The following ATP1B3 variants were observed in gnomAD, a reference collection of about 807,000 sequenced individuals.
The protein encoded by ATP1B3 is sodium/potassium-transporting ATPase subunit beta-3.
ATP1B3 carries 10 observed loss-of-function variants against 30.2 expected under a neutral mutation model. The observed-to-expected ratio is 0.33, with a 90% CI of 0.20 to 0.56. The LOEUF is 0.56. Among genes scored for constraint, ATP1B3 ranks in the 20% least tolerant of loss-of-function variants. ATP1B3 has a pLI of 0.90. For synonymous variants in ATP1B3, 113 were observed against 117.0 expected (o/e 0.97, Z 0.22); for missense variants, 238 against 336.7 (o/e 0.71, Z 2.29).
intron 1 of ATP1B3, among the ~76,000 whole-genome samples, chr3:141,887,267 G>A (rs965600144): frequency 6.6e-6 from 1 of 152,202 alleles, no homozygotes; most frequent in African/African-American, 2.4e-5. Flanking sequence ...AGAAGTTAGA[G>A]TTGGTGAGTG....
At chr3:141,894,442 G>A (rs565342795) in intron 1 of ATP1B3, among the ~76,000 whole-genome samples, 1 of 152,132 alleles carries the variant, frequency 6.6e-6, no homozygotes, top group South Asian at 2.1e-4. Context: ...GCAGGTGTGA[G>A]CCTTCATACC....
rs748154337 is a variant in ATP1B3 at position 141,915,877 on chromosome 3, A to G, written c.532-93A>G. ...TGTATACAGACTTGGTGTTAATCTC[A>G]AAGTCTTCACCCCTTGTTCCCAGCA... On this transcript the variant is annotated intron_variant, in intron 4 of 6. Transcript: ENST00000286371. 98 of 908,314 alleles carry G rather than the reference A, an allele frequency of 1.1e-4. 1 individual carries two copies. The South Asian group carries it at 1.1e-3, about 10-fold the overall frequency. 56.3% of individuals were successfully genotyped at this position (908,314 alleles called of 1,614,324 possible). A position where few individuals can be genotyped will look rare whatever the true frequency, so the allele number is the denominator to read the frequency against.
intron 1 of ATP1B3, among the ~76,000 whole-genome samples, chr3:141,895,131 G>A (rs1178953684): frequency 6.6e-6 from 1 of 150,940 alleles, no homozygotes; most frequent in East Asian, 1.9e-4. Flanking sequence ...TTGGGGGGAG[G>A]GTCTCATAGG....
chr3:141,879,080 G>C (rs1405038236), intron 1 of ATP1B3, among the ~76,000 whole-genome samples: 1 of 152,158 alleles, frequency 6.6e-6, no homozygotes, highest in African/African-American at 2.4e-5. Context: ...GTATGGGCTT[G>C]CTGCCAGATG....
rs1368831451 is a variant in ATP1B3 at position 141,913,796 on chromosome 3, A to G, written c.491A>G (p.Tyr164Cys). The part of the protein sequence containing the change: ...CSGMNDPDFG[Y>C]SQGNPCILVK... ...GGTATGAATGATCCTGATTTTGGCT[A>G]TTCTCAAGGAAACCCTTGTATTCTT... Residue 164 changes from tyrosine to cysteine, a missense_variant, in exon 4 of 7, where the codon TAT (tyrosine) becomes TGT (cysteine). Transcript: ENST00000286371. 3 of 1,613,914 alleles carry G rather than the reference A, an allele frequency of 1.9e-6. No individual in the cohort carries two copies. Among genetic ancestry groups the G allele is most frequent in the Admixed American group, 1.7e-5 (1 of 59,988 alleles).
At chr3:141,896,335 A>G (rs1408240653) in intron 1 of ATP1B3, among the ~76,000 whole-genome samples, 1 of 152,026 alleles carries the variant, frequency 6.6e-6, no homozygotes, top group Non-Finnish European at 1.5e-5. Context: ...AATTTTCTTA[A>G]GAAGACCCCC....
chr3:141,890,063 A>G (rs902172270), intron 1 of ATP1B3, among the ~76,000 whole-genome samples: 2 of 145,510 alleles, frequency 1.4e-5, no homozygotes, highest in Non-Finnish European at 3.0e-5. Flanking sequence ...TTTTTAAAAA[A>G]TGCCTGTAAT....
intron 2 of ATP1B3, among the ~76,000 whole-genome samples, chr3:141,906,328 C>T (rs1934266730): frequency 6.6e-6 from 1 of 152,122 alleles, no homozygotes; most frequent in Non-Finnish European, 1.5e-5. Flanking sequence ...TACAGGCATG[C>T]ACCACCACAC....
At chr3:141,925,209 G>A (rs966625776) in intron 6 of ATP1B3, among the ~76,000 whole-genome samples, 3 of 152,140 alleles carry the variant, frequency 2.0e-5, no homozygotes, top group African/African-American at 7.2e-5. Context: ...GCTCACACCT[G>A]TAATCCCAGC....
intron 1 of ATP1B3, among the ~76,000 whole-genome samples, chr3:141,877,235 C>G (rs920243204): frequency 6.6e-6 from 1 of 151,950 alleles, no homozygotes; most frequent in African/African-American, 2.4e-5. Context: ...GGACCCCTGC[C>G]CGAAGCCGGG....
rs1260984138 is a variant in ATP1B3, at chr3:141,889,752, T to TATAC, written c.109+12845_109+12846insCATA. On this transcript the variant is annotated intron_variant, in intron 1 of 6. Coordinates refer to ENST00000286371, the MANE Select transcript of ATP1B3 (RefSeq NM_001679.4). ...TCAAAAAAAAAAAAAAAAAAAAAAA[T>TATAC]ATATACACACACACACACACACACA... is the stretch of plus-strand genomic sequence containing the variant. Among the ~76,000 whole-genome samples the TATAC allele has an allele frequency of 6.7e-3, 307 of 45,612 alleles. 22 individuals carry two copies. The highest frequency in any genetic ancestry group is 0.028 in the African/African-American group (298 of 10,610). 29.9% of individuals were successfully genotyped at this position (45,612 alleles called of 152,430 possible). A position where few individuals can be genotyped will look rare whatever the true frequency, so the allele number is the denominator to read the frequency against.
intron 1 of ATP1B3, among the ~76,000 whole-genome samples, chr3:141,892,738 A>G (rs1395022367): frequency 6.6e-6 from 1 of 152,030 alleles, no homozygotes; most frequent in Non-Finnish European, 1.5e-5. Context: ...ACACAGTGAC[A>G]AAATCATTGG....
intron 3 of ATP1B3, among the ~76,000 whole-genome samples, chr3:141,907,761 T>C (rs1934288453): frequency 1.3e-5 from 2 of 152,192 alleles, no homozygotes; most frequent in African/African-American, 4.8e-5. Context: ...TTATAATTAC[T>C]TGTGAGACTG....
At chr3:141,882,413 A>G (rs1462768109) in intron 1 of ATP1B3, among the ~76,000 whole-genome samples, 1 of 152,182 alleles carries the variant, frequency 6.6e-6, no homozygotes, top group African/African-American at 2.4e-5. Context: ...TTTAAGGAGA[A>G]TGGTCTTTAT....
chr3:141,905,509 A>T (rs1190662790), intron 2 of ATP1B3, among the ~76,000 whole-genome samples: 1 of 152,254 alleles, frequency 6.6e-6, no homozygotes, highest in Non-Finnish European at 1.5e-5. Flanking sequence ...CTATATCACC[A>T]GCCAAACTGA....
intron 1 of ATP1B3, among the ~76,000 whole-genome samples, chr3:141,883,709 C>T (rs1345968289): frequency 6.6e-6 from 1 of 152,172 alleles, no homozygotes. Flanking sequence ...ATGAGCAGTA[C>T]TATGAATGTT....
chr3:141,899,437 A>C (rs1934122467), intron 1 of ATP1B3, among the ~76,000 whole-genome samples: 1 of 152,200 alleles, frequency 6.6e-6, no homozygotes, highest in South Asian at 2.1e-4. Context: ...TAGGTCCCTG[A>C]AGATAGCTAG....
At chr3:141,891,888 C>T (rs572393738) in intron 1 of ATP1B3, among the ~76,000 whole-genome samples, 11 of 135,562 alleles carry the variant, frequency 8.1e-5, no homozygotes, top group Non-Finnish European at 1.6e-4. Context: ...GAGAATGTGG[C>T]CTCTTTTTTT....
intron 3 of ATP1B3, among the ~76,000 whole-genome samples, chr3:141,913,129 C>T (rs886140321): frequency 1.3e-5 from 2 of 152,128 alleles, no homozygotes; most frequent in Non-Finnish European, 2.9e-5. Flanking sequence ...TGGCTTCTAC[C>T]TTCCTTCATT....
Sources: allele counts gnomAD v4.1 joint callset (sites outside exome capture counted in the v4.1 genomes callset), GRCh38; gene constraint gnomAD v4.1.1; transcripts MANE v1.5; gene names NCBI Gene and HGNC (gene_info 2026-07-23, HGNC 2026-07-21).